Variants in SLC6A11 observed in about 807,000 individuals in gnomAD.
SLC6A11 encodes sodium- and chloride-dependent GABA transporter 3.
Under a neutral mutation model 74.8 loss-of-function variants are expected in SLC6A11, and 25 were observed. That is an observed-to-expected ratio of 0.33 (90% CI 0.24 to 0.47). SLC6A11 has a LOEUF of 0.47. Among genes scored for constraint, SLC6A11 ranks in the 20% least tolerant of loss-of-function variants. The pLI, the probability that SLC6A11 is intolerant of heterozygous loss-of-function variation, is 1.00. For missense variants in SLC6A11, 574 were observed against 837.0 expected, an observed-to-expected ratio of 0.69 and a Z score of 3.88; for synonymous variants, 330 against 330.2, an observed-to-expected ratio of 1.00 and a Z score of 0.01.
intron 5 of SLC6A11, among the ~76,000 whole-genome samples, chr3:10,855,517 C>T (rs1694628668): frequency 6.6e-6 from 1 of 152,198 alleles, no homozygotes; most frequent in South Asian, 2.1e-4. Context: ...TCAGCAGCAG[C>T]ATCCAGCTGA....
chr3:10,933,483 G>T (rs1695718007), intron 11 of SLC6A11, among the ~76,000 whole-genome samples: 1 of 152,208 alleles, frequency 6.6e-6, no homozygotes, highest in Non-Finnish European at 1.5e-5. Context: ...TCTTGGGCCA[G>T]TTCTGCCCCT....
At chr3:10,864,050 A>T (rs1165310361) in intron 5 of SLC6A11, among the ~76,000 whole-genome samples, 1 of 152,068 alleles carries the variant, frequency 6.6e-6, no homozygotes, top group African/African-American at 2.4e-5. Context: ...AGGAAATGAT[A>T]AATGTCAGTC....
chr3:10,886,534 A>G (rs1695044575), intron 6 of SLC6A11, among the ~76,000 whole-genome samples: 1 of 152,210 alleles, frequency 6.6e-6, no homozygotes, highest in African/African-American at 2.4e-5. Context: ...TAGGCTGGGT[A>G]TGGTGGCTCA....
chr3:10,929,107 AG>A, intron 9 of SLC6A11, 94 bp from the exon 10 acceptor site: 1 of 1,315,742 alleles, frequency 7.6e-7, no homozygotes, highest in Non-Finnish European at 1.1e-6. Flanking sequence ...GAATGAAGGA[AG>A]CCCAGGGTTC....
At chr3:10,922,208 T>C (rs1695545423) in intron 8 of SLC6A11, among the ~76,000 whole-genome samples, 1 of 152,166 alleles carries the variant, frequency 6.6e-6, no homozygotes, top group African/African-American at 2.4e-5. Flanking sequence ...TTCACCAAGA[T>C]AGACCATATA....
intron 4 of SLC6A11, among the ~76,000 whole-genome samples, chr3:10,832,696 C>T (rs1694313442): frequency 1.3e-5 from 2 of 152,186 alleles, no homozygotes; most frequent in African/African-American, 4.8e-5. Context: ...AGTACCACTC[C>T]TATTACTCTC....
intron 6 of SLC6A11, among the ~76,000 whole-genome samples, chr3:10,879,235 A>T (rs1694946667): frequency 1.3e-5 from 2 of 152,302 alleles, no homozygotes; most frequent in Non-Finnish European, 2.9e-5. Flanking sequence ...GGAAGTGTGT[A>T]TGTGTGTTTG....
intron 6 of SLC6A11, among the ~76,000 whole-genome samples, chr3:10,884,235 T>C (rs1016485438): frequency 1.1e-4 from 17 of 152,198 alleles, no homozygotes; most frequent in South Asian, 2.1e-4. Context: ...GTCCTGGAGG[T>C]TGAAACGCTG....
rs57871363 is a variant in SLC6A11 at position 10,848,628 on chromosome 3, C to T, written c.756+4282C>T. Among the ~76,000 whole-genome samples, 1,002 of 152,324 alleles carry T rather than the reference C, an allele frequency of 6.6e-3. 10 individuals carry two copies. The highest frequency in any genetic ancestry group is 0.023 in the African/African-American group (960 of 41,566). On this transcript the variant is annotated intron_variant, in intron 5 of 13. Transcript: ENST00000254488. ...TGAATTCCCCCTGTGCTTTGGGCTC[C>T]TTGGGAGGTGCCGGGGATACACCAG...
chr3:10,849,794 C>CAAAAAAAA (rs56099322), intron 5 of SLC6A11, among the ~76,000 whole-genome samples: 7 of 87,248 alleles, frequency 8.0e-5, no homozygotes, highest in African/African-American at 1.2e-4. Context: ...TTGTTGAAGC[C>CAAAAAAAA]AAAAAAAAAA....
chr3:10,933,066 G>T, intron 10 of SLC6A11, 85 bp from the exon 11 acceptor site: 1 of 896,476 alleles, frequency 1.1e-6, no homozygotes, highest in Non-Finnish European at 1.9e-6. Flanking sequence ...GCAGAGAGAG[G>T]GACCTTCCTG....
chr3:10,885,678 T>C (rs1695034479), intron 6 of SLC6A11, among the ~76,000 whole-genome samples: 1 of 151,788 alleles, frequency 6.6e-6, no homozygotes, highest in Admixed American at 6.6e-5. Context: ...TGGTTCTTGC[T>C]CCTATGGTGA....
chr3:10,937,890 G>T (rs1374067936), intron 13 of SLC6A11, among the ~76,000 whole-genome samples: 2 of 152,192 alleles, frequency 1.3e-5, no homozygotes, highest in African/African-American at 4.8e-5. Context: ...TCACACCCCA[G>T]CTTCTCAGTG....
At position 10,926,622 on chromosome 3, in the gene SLC6A11, G is replaced by A. The variant is rs1695611107; in HGVS notation, c.1233+506G>A. On this transcript the variant is annotated intron_variant, in intron 9 of 13. Transcript: ENST00000254488. This position sits in a 1 kb window ranked among gnomAD's most constrained non-coding sequence, Gnocchi z 5.7. ...AGCTCTGCCCCGCCACCGCCTGCCT[G>A]TCTCTGTGCTCGGCCCTCCCTAGAG... Among the ~76,000 whole-genome samples, 1 of 152,088 alleles carries A rather than the reference G, an allele frequency of 6.6e-6. No individual in the cohort carries two copies. The highest frequency in any genetic ancestry group is 2.4e-5 in the African/African-American group (1 of 41,392).
chr3:10,823,574 G>T, intron 4 of SLC6A11, 182 bp downstream of exon 4: 1 of 563,120 alleles, frequency 1.8e-6, no homozygotes. Context: ...TTTCCCAAAG[G>T]GGCAGCTGAG....
intron 11 of SLC6A11, 93 bp downstream of exon 11, chr3:10,933,346 G>C: frequency 1.2e-6 from 1 of 861,660 alleles, no homozygotes; most frequent in South Asian, 1.4e-5. Context: ...GTTCTCTGTG[G>C]CTTATCTTGG....
chr3:10,835,773 C>T (rs876645), intron 4 of SLC6A11, among the ~76,000 whole-genome samples: 3 of 152,328 alleles, frequency 2.0e-5, no homozygotes, highest in East Asian at 1.9e-4. Flanking sequence ...GCGCCTGACA[C>T]GTCTTCCCAA....
intron 5 of SLC6A11, among the ~76,000 whole-genome samples, chr3:10,852,265 G>A (rs1213326442): frequency 6.6e-6 from 1 of 152,230 alleles, no homozygotes; most frequent in Non-Finnish European, 1.5e-5. Flanking sequence ...ATGCCTGGGC[G>A]GCCAAACAGG....
chr3:10,851,194 A>AT (rs1370400359), intron 5 of SLC6A11, among the ~76,000 whole-genome samples: 2 of 150,544 alleles, frequency 1.3e-5, no homozygotes, highest in Non-Finnish European at 3.0e-5. Flanking sequence ...TGATTTATGG[A>AT]TTTTTCCCCC....
Sources: gnomAD v4.1 joint callset for allele counts (sites outside exome capture counted in the v4.1 genomes callset) on GRCh38, gnomAD v4.1.1 for gene constraint, Gnocchi (gnomAD v3.1) non-coding constraint, MANE v1.5 for transcripts, NCBI Gene and HGNC (gene_info 2026-07-23, HGNC 2026-07-21) for gene names.